The following CDK5RAP2 variants were observed in gnomAD, a reference collection of about 807,000 sequenced individuals.
The protein encoded by CDK5RAP2 is CDK5 regulatory subunit associated protein 2.
A neutral mutation model predicts 232.9 loss-of-function variants in CDK5RAP2; 147 were observed. That is an observed-to-expected ratio of 0.63 (90% CI 0.55 to 0.72). CDK5RAP2 has a LOEUF of 0.72. Among genes scored for constraint, CDK5RAP2 ranks in the 30% least tolerant of loss-of-function variants. The pLI is 0.00. For synonymous variants in CDK5RAP2, 833 were observed against 833.7 expected (o/e 1.00, Z 0.01); for missense variants, 2,195 against 2,231.5 (o/e 0.98, Z 0.33).
Position 120,403,093 on chromosome 9 carries a change from G to A in CDK5RAP2, c.5042-22C>T, listed in dbSNP as rs1564172936. The A allele has an allele frequency of 4.3e-6, 7 of 1,613,218 alleles. No homozygotes were observed. The highest frequency in any genetic ancestry group is 5.1e-6 in the Non-Finnish European group (6 of 1,179,208). ...GAAACTGTAAAATGAGAAGTAGGAT[G>A]TAAAATCTGTTTCAGGTAACACTCT... On this transcript the variant is annotated intron_variant, in intron 33 of 37. Coordinates refer to ENST00000349780, the MANE Select transcript of CDK5RAP2 (RefSeq NM_018249.6). This position sits in a 1 kb window ranked among gnomAD's most constrained non-coding sequence, Gnocchi z 4.2.
At chr9:120,497,421 TAAAAAAAAAAAAA>T (rs71385064) in intron 12 of CDK5RAP2, among the ~76,000 whole-genome samples, 3,322 of 23,590 alleles carry the variant, frequency 0.14, 138 homozygotes, top group Non-Finnish European at 0.14. Context: ...AAAATAAATT[TAAAAAAAAAAAAA>T]AAAAAAAAAA....
intron 5 of CDK5RAP2, among the ~76,000 whole-genome samples, chr9:120,540,149 C>G (rs183423149): frequency 1.3e-5 from 2 of 152,084 alleles, no homozygotes; most frequent in Admixed American, 1.3e-4. Context: ...GGGAACGGCA[C>G]GCCCAAATCA....
rs1284572245 is a variant in CDK5RAP2, at chr9:120,554,776, G to T, written c.196-3874C>A. Among the ~76,000 whole-genome samples the T allele has an allele frequency of 9.2e-5, 14 of 152,176 alleles. No homozygotes were observed. The East Asian group carries it at 2.7e-3, about 29-fold the overall frequency. ...AGCCTCCCGAGTAGCTGGGACTACA[G>T]GCATGTGCCACCATGCCCGGCTAAT... is the stretch of plus-strand genomic sequence containing the variant. On this transcript the variant is annotated intron_variant, in intron 3 of 37. Transcript: ENST00000349780.
At chr9:120,533,814 A>T (rs1187092962) in intron 7 of CDK5RAP2, among the ~76,000 whole-genome samples, 1 of 150,084 alleles carries the variant, frequency 6.7e-6, no homozygotes, top group African/African-American at 2.5e-5. Context: ...AAAAAAAAAA[A>T]AAAAAAAAAT....
At chr9:120,402,131 A>C (rs2033079334) in intron 34 of CDK5RAP2, among the ~76,000 whole-genome samples, 4 of 152,158 alleles carry the variant, frequency 2.6e-5, no homozygotes, top group African/African-American at 7.2e-5. Flanking sequence ...GTCTCTAAAA[A>C]AAATTTTTTT....
intron 3 of CDK5RAP2, among the ~76,000 whole-genome samples, chr9:120,552,971 G>A (rs1403362644): frequency 6.6e-6 from 1 of 152,094 alleles, no homozygotes; most frequent in Non-Finnish European, 1.5e-5. Flanking sequence ...ATACATGGTT[G>A]TTCACTGTGC....
At chr9:120,426,603 A>G (rs1470846314) in intron 25 of CDK5RAP2, among the ~76,000 whole-genome samples, 3 of 152,168 alleles carry the variant, frequency 2.0e-5, no homozygotes, top group Non-Finnish European at 2.9e-5. Context: ...TCAGAGGCAA[A>G]TATTTCCTAT....
At chr9:120,396,875 G>A (rs750752055) in intron 35 of CDK5RAP2, among the ~76,000 whole-genome samples, 1 of 152,214 alleles carries the variant, frequency 6.6e-6, no homozygotes, top group African/African-American at 2.4e-5. Context: ...AGCAACAGCA[G>A]GGGCTCAAAG....
At chr9:120,408,577 C>A (rs969459215) in intron 30 of CDK5RAP2, 109 bp from the exon 31 acceptor site, 1 of 1,187,156 alleles carries the variant, frequency 8.4e-7, no homozygotes, top group Non-Finnish European at 1.2e-6. Flanking sequence ...AGAGTGTGGA[C>A]CAAGAAGTGA....
In CDK5RAP2 at chr9:120,477,400, T is replaced by G. The variant is rs2038073707; in HGVS notation, c.1677A>C (p.Lys559Asn). The change falls in exon 15 of 38, where the codon AAA (lysine) becomes AAC (asparagine). Residue 559 changes from lysine to asparagine, a missense_variant. Lys to Asn is a moderately conservative substitution (Grantham distance 94). Coordinates refer to ENST00000349780, the MANE Select transcript of CDK5RAP2 (RefSeq NM_018249.6). ...DYEELIQVLK[K>N]EQDIYTHLVK... ...CCAGATGGGTATAGATGTCCTGCTC[T>G]TTCTTTAAGACCTGAATCAGCTCTT... 1 of 1,613,956 alleles carries G rather than the reference T, an allele frequency of 6.2e-7. No individual in the cohort carries two copies. Among genetic ancestry groups the G allele is most frequent in the African/African-American group, 1.3e-5 (1 of 74,950 alleles).
intron 12 of CDK5RAP2, among the ~76,000 whole-genome samples, chr9:120,503,344 G>C (rs572813427): frequency 3.3e-5 from 5 of 152,180 alleles, no homozygotes; most frequent in Admixed American, 6.5e-5. Flanking sequence ...ATGACCATAG[G>C]GGGAGGGCAG....
chr9:120,444,105 C>T (rs908912824), intron 22 of CDK5RAP2, among the ~76,000 whole-genome samples: 1 of 152,168 alleles, frequency 6.6e-6, no homozygotes, highest in African/African-American at 2.4e-5. Flanking sequence ...AAAATAAAAA[C>T]AGTATTGAGT....
intron 12 of CDK5RAP2, among the ~76,000 whole-genome samples, chr9:120,506,424 C>A (rs2039815575): frequency 6.6e-6 from 1 of 152,204 alleles, no homozygotes; most frequent in African/African-American, 2.4e-5. Context: ...CCTGCTAACA[C>A]AACATCCATT....
At chr9:120,498,016 A>G (rs1372606807) in intron 12 of CDK5RAP2, among the ~76,000 whole-genome samples, 2 of 152,190 alleles carry the variant, frequency 1.3e-5, no homozygotes, top group African/African-American at 4.8e-5. Flanking sequence ...TTGCTCTCCC[A>G]GGATGGATTG....
chr9:120,499,951 A>G (rs2131707192), intron 12 of CDK5RAP2, among the ~76,000 whole-genome samples: 1 of 152,324 alleles, frequency 6.6e-6, no homozygotes, highest in East Asian at 1.9e-4. Flanking sequence ...TTAATTAATG[A>G]TAACATAAAA....
At chr9:120,405,185 G>C (rs902093026) in intron 32 of CDK5RAP2, among the ~76,000 whole-genome samples, 1 of 152,232 alleles carries the variant, frequency 6.6e-6, no homozygotes, top group Non-Finnish European at 1.5e-5. Context: ...CACTCTCAGT[G>C]AAAGACATCA....
intron 3 of CDK5RAP2, among the ~76,000 whole-genome samples, chr9:120,561,192 G>A (rs1383883167): frequency 1.3e-5 from 2 of 152,188 alleles, no homozygotes; most frequent in African/African-American, 4.8e-5. Flanking sequence ...GTAAAGAGGG[G>A]AGGATACTTT....
chr9:120,525,003 G>C lies in CDK5RAP2; in HGVS notation c.1075C>G (p.Gln359Glu). 1 of 1,613,826 alleles carries C rather than the reference G, an allele frequency of 6.2e-7. No homozygotes were observed. The change falls in exon 11 of 38, where the codon CAG (glutamine) becomes GAG (glutamate). Residue 359 changes from glutamine (Q) to glutamate (E), a missense_variant. Physicochemically the swap from Gln to Glu is conservative, Grantham distance 29. Coordinates refer to ENST00000349780, the MANE Select transcript of CDK5RAP2 (RefSeq NM_018249.6). ...AKAREALQKA[Q>E]TQEFQGSEDY... is the part of the protein sequence containing the mutation. ...ACACTTACCTGAAATTCCTGGGTCT[G>C]TGCTTTCTGTAGGGCCTCTCTGGCT...
chr9:120,534,982 G>A (rs950567554), intron 7 of CDK5RAP2, among the ~76,000 whole-genome samples: 3 of 152,218 alleles, frequency 2.0e-5, no homozygotes, highest in African/African-American at 4.8e-5. Context: ...TACTCTGGGG[G>A]GAGGCTCAGT....
Sources: allele counts gnomAD v4.1 joint callset (sites outside exome capture counted in the v4.1 genomes callset), GRCh38; gene constraint gnomAD v4.1.1; non-coding constraint Gnocchi (gnomAD v3.1); transcripts MANE v1.5; gene names NCBI Gene and HGNC (gene_info 2026-07-23, HGNC 2026-07-21).